HPSE2: variants seen among roughly 807,000 people sequenced by gnomAD.
HPSE2 encodes the protein heparanase 2 (inactive).
In HPSE2, 38 loss-of-function variants were observed where a neutral mutation model predicts 60.5. The ratio of observed to expected loss-of-function variants is 0.63; its 90% CI spans 0.48 to 0.82. HPSE2 has a LOEUF of 0.82. HPSE2 is among the 40% of genes least tolerant of loss of function. The pLI, the probability that HPSE2 is intolerant of heterozygous loss-of-function variation, is 0.00. For missense variants in HPSE2, 713 were observed against 740.4 expected (o/e 0.96, Z 0.43); for synonymous variants, 295 against 293.2 (o/e 1.01, Z -0.06).
chr10:99,109,342 T>C (rs1435812805), intron 3 of HPSE2, among the ~76,000 whole-genome samples: 4 of 152,162 alleles, frequency 2.6e-5, no homozygotes, highest in Non-Finnish European at 5.9e-5. Flanking sequence ...AATAACACTT[T>C]CAAATTAAAT....
intron 3 of HPSE2, among the ~76,000 whole-genome samples, chr10:98,752,866 A>G (rs574510989): frequency 6.7e-6 from 1 of 148,746 alleles, no homozygotes; most frequent in East Asian, 1.9e-4. Flanking sequence ...AGCCATAAAA[A>G]GAATAAAATC....
intron 3 of HPSE2, among the ~76,000 whole-genome samples, chr10:98,773,288 T>C (rs1950278245): frequency 6.6e-6 from 1 of 152,220 alleles, no homozygotes; most frequent in South Asian, 2.1e-4. Context: ...CTCTAATTAA[T>C]ACACCATCAA....
At chr10:98,879,755 G>C (rs750833483) in intron 3 of HPSE2, among the ~76,000 whole-genome samples, 2 of 151,838 alleles carry the variant, frequency 1.3e-5, no homozygotes, top group Non-Finnish European at 2.9e-5. Context: ...TGGTTTTATG[G>C]AGCAAACATT....
chr10:98,461,667 T>G, intron 11 of HPSE2: 1 of 868,488 alleles, frequency 1.2e-6, no homozygotes, highest in Non-Finnish European at 1.8e-6. Flanking sequence ...CGATTAATCT[T>G]TCTAAGGCAT....
chr10:99,044,897 A>G (rs1957820619), intron 3 of HPSE2, among the ~76,000 whole-genome samples: 1 of 152,208 alleles, frequency 6.6e-6, no homozygotes, highest in Admixed American at 6.5e-5. Flanking sequence ...AAAAGACTTA[A>G]GACAACCACA....
At position 99,146,720 on chromosome 10, in the gene HPSE2, G is replaced by C. The variant is rs1389858289; in HGVS notation, c.449-2321C>G. ...TACTAAAAATACAAAAATTAGCTGG[G>C]CGTGGTGGCACACGCCTGTAGTTCC... On this transcript the variant is annotated intron_variant, in intron 2 of 11. Transcript: ENST00000370552. Among the ~76,000 whole-genome samples the C allele has an allele frequency of 7.2e-5, 11 of 152,138 alleles. 1 individual carries two copies. Among genetic ancestry groups the C allele is most frequent in the Admixed American group, 7.2e-4 (11 of 15,270 alleles).
chr10:98,793,810 G>C (rs1950712250), intron 3 of HPSE2, among the ~76,000 whole-genome samples: 2 of 152,224 alleles, frequency 1.3e-5, no homozygotes, highest in African/African-American at 4.8e-5. Flanking sequence ...GCTGTAAGCA[G>C]AGAAAACAGC....
rs1385349947 is a variant in HPSE2 at position 98,931,603 on chromosome 10, G to A, written c.611-187547C>T. ...ATTGATTCTTCCTATCCAGGAGCAC[G>A]GAATGTTTTTCTATCTGCCTGTGTC... On this transcript the variant is annotated intron_variant, in intron 3 of 11. Transcript: ENST00000370552. 6.9e-5 allele frequency among the ~76,000 whole-genome samples: 10 copies of A among 144,026 alleles called. 2 individuals are homozygous for A. Among genetic ancestry groups the A allele is most frequent in the African/African-American group, 2.5e-4 (9 of 35,456 alleles). The allele number at this position is 144,026 out of a possible 152,430, so 94.5% of individuals were successfully genotyped here. A position where few individuals can be genotyped will look rare whatever the true frequency, so the allele number is the denominator to read the frequency against.
intron 7 of HPSE2, among the ~76,000 whole-genome samples, chr10:98,633,227 C>G (rs868526137): frequency 2.6e-5 from 4 of 152,056 alleles, no homozygotes; most frequent in Middle Eastern, 3.2e-3. Context: ...GAAACAGGGT[C>G]TTGTTTTGTT....
chr10:98,913,053 A>G (rs1300791230), intron 3 of HPSE2, among the ~76,000 whole-genome samples: 2 of 152,214 alleles, frequency 1.3e-5, no homozygotes, highest in Non-Finnish European at 2.9e-5. Context: ...CCATAAATAT[A>G]TATACCTGCT....
At chr10:98,803,054 C>A (rs1463217663) in intron 3 of HPSE2, among the ~76,000 whole-genome samples, 4 of 150,722 alleles carry the variant, frequency 2.7e-5, no homozygotes, top group Non-Finnish European at 5.9e-5. Context: ...TTTTGATTTG[C>A]ATTTCTCTGA....
rs1259789065 is a variant in HPSE2 at position 98,544,657 on chromosome 10, G to A, written c.1321-54461C>T. On this transcript the variant is annotated intron_variant, in intron 9 of 11. Coordinates refer to ENST00000370552, the MANE Select transcript of HPSE2 (RefSeq NM_021828.5). ...GAACCCAGGAGGCGGAGCTTGCAGT[G>A]AGCCGAGATCGCGCCACTGCACTCC... Among the ~76,000 whole-genome samples the A allele has an allele frequency of 5.1e-5, 7 of 136,832 alleles. No homozygotes were observed. In the East Asian group the frequency reaches 9.0e-4, roughly 18 times the overall value. 89.8% of individuals were successfully genotyped at this position (136,832 alleles called of 152,430 possible).
intron 3 of HPSE2, among the ~76,000 whole-genome samples, chr10:98,747,652 G>A (rs931666899): frequency 3.9e-5 from 6 of 152,092 alleles, no homozygotes; most frequent in Non-Finnish European, 7.4e-5. Flanking sequence ...CTTCCATGAC[G>A]CCATTCCTGA....
At chr10:99,037,823 C>T (rs10786499) in intron 3 of HPSE2, among the ~76,000 whole-genome samples, 94,854 of 151,682 alleles carry the variant, frequency 0.63, 30,998 homozygotes, top group East Asian at 0.77. Context: ...AAAGCCAAAT[C>T]GAATTTCTCC....
chr10:99,300,028 CAA>C, the HPSE2 span, among the ~76,000 whole-genome samples: 15 of 131,478 alleles, frequency 1.1e-4, no homozygotes, highest in Admixed American at 1.5e-4. Context: ...GAGGGAGAGG[CAA>C]AAAAAAAAAA....
chr10:98,936,542 C>T (rs1005633781), intron 3 of HPSE2, among the ~76,000 whole-genome samples: 2 of 143,276 alleles, frequency 1.4e-5, no homozygotes, highest in African/African-American at 2.9e-5. Context: ...AAGGGAGGTG[C>T]CCCCAACTCC....
chr10:98,645,311 C>T (rs1415594072), intron 6 of HPSE2, among the ~76,000 whole-genome samples: 2 of 152,142 alleles, frequency 1.3e-5, no homozygotes, highest in Admixed American at 6.5e-5. Flanking sequence ...GAAATGTTGA[C>T]GTGGGGGTCT....
intron 2 of HPSE2, among the ~76,000 whole-genome samples, chr10:99,162,860 C>T (rs574278677): frequency 6.6e-6 from 1 of 152,270 alleles, no homozygotes; most frequent in African/African-American, 2.4e-5. Flanking sequence ...TCCAAAACAA[C>T]ATCCATAAAT....
intron 9 of HPSE2, among the ~76,000 whole-genome samples, chr10:98,595,464 C>T (rs1180122253): frequency 6.6e-6 from 1 of 152,110 alleles, no homozygotes; most frequent in East Asian, 1.9e-4. Context: ...GCCACCACAC[C>T]CGGCCAAATG....
Sources: gnomAD v4.1 joint callset for allele counts (sites outside exome capture counted in the v4.1 genomes callset) on GRCh38, gnomAD v4.1.1 for gene constraint, MANE v1.5 for transcripts, NCBI Gene and HGNC (gene_info 2026-07-23, HGNC 2026-07-21) for gene names.